KRTAP4-9: variants seen among roughly 807,000 people sequenced by gnomAD.
KRTAP4-9 encodes keratin associated protein 4-9.
KRTAP4-9 carries 4 observed loss-of-function variants against 4.3 expected under a neutral mutation model. That is an observed-to-expected ratio of 0.94 (90% confidence interval 0.46 to 2.15). KRTAP4-9 has a LOEUF of 2.15. Among genes scored for constraint, KRTAP4-9 ranks in the 30% most tolerant of loss-of-function variants. The pLI, the probability that KRTAP4-9 is intolerant of heterozygous loss-of-function variation, is 0.02. For synonymous variants in KRTAP4-9, 111 were observed against 99.2 expected, an observed-to-expected ratio of 1.12 and a Z score of -0.70; for missense variants, 297 against 278.5, an observed-to-expected ratio of 1.07 and a Z score of -0.47.
At chr17:41,106,267 T>A in exon 1 of KRTAP4-9, 1 of 676,914 alleles carries the variant, frequency 1.5e-6, no homozygotes, top group Non-Finnish European at 2.4e-6. Flanking sequence ...TGTAATCCAC[T>A]AGCTAGAAAT....
At chr17:41,106,122 T>G (rs150821935) in exon 1 of KRTAP4-9, 1 of 1,460,096 alleles carries the variant, frequency 6.8e-7, no homozygotes, top group Non-Finnish European at 9.1e-7. Context: ...GTTGATGTCA[T>G]TCAATAGAAT....
At position 41,105,778 on chromosome 17, in the gene KRTAP4-9, T is replaced by C. The variant is rs763295260; in HGVS notation, c.390T>C (p.Cys130=). The change falls in exon 1 of 1, where the codon TGT becomes TGC. Residue 130 remains cysteine, a synonymous_variant. Transcript: ENST00000391415. ...CCAGCTGCTGTCGCCCCAGCTGCTGTGTGTCCAGCTGCTGCAAGCCCCAGT... is the reference window on the plus strand; with the variant it reads ...CCAGCTGCTGTCGCCCCAGCTGCTGCGTGTCCAGCTGCTGCAAGCCCCAGT... 3.9e-5 allele frequency: 62 copies of C among 1,604,350 alleles called. 3 individuals are homozygous for C. In the South Asian group the frequency reaches 6.5e-4, roughly 17 times the overall value.
chr17:41,105,579 G>C (rs748673672), exon 1 of KRTAP4-9: 1 of 1,568,176 alleles, frequency 6.4e-7, no homozygotes, highest in Non-Finnish European at 8.5e-7. Flanking sequence ...CAACCCACTT[G>C]TTCCCGCCCC....
chr17:41,105,573 C>G, exon 1 of KRTAP4-9: 2 of 1,568,386 alleles, frequency 1.3e-6, no homozygotes, highest in South Asian at 1.1e-5. Context: ...TGCTGCCAAC[C>G]CACTTGTTCC....
At chr17:41,106,031 C>A (rs761496139) in exon 1 of KRTAP4-9, 2 of 1,568,332 alleles carry the variant, frequency 1.3e-6, no homozygotes, top group South Asian at 1.2e-5. Flanking sequence ...AGCCCACTGC[C>A]CTGGCTTATC....
exon 1 of KRTAP4-9, chr17:41,105,609 G>A (rs936587614): frequency 1.3e-6 from 2 of 1,569,326 alleles, no homozygotes; most frequent in African/African-American, 3.0e-5. Context: ...CAGACCACCT[G>A]TTGCAGGACC....
exon 1 of KRTAP4-9, chr17:41,106,345 C>T (rs6503596): frequency 0.048 from 21,966 of 454,318 alleles, 1,425 homozygotes; most frequent in East Asian, 0.17. Context: ...CTCAGTGAGG[C>T]AGACATTATC....
chr17:41,106,176 T>C (rs1305155094), exon 1 of KRTAP4-9: 1 of 1,294,176 alleles, frequency 7.7e-7, no homozygotes, highest in African/African-American at 1.5e-5. Flanking sequence ...TCACTGACTC[T>C]TTGAGAACAT....
chr17:41,105,959 C>T lies in KRTAP4-9; in HGVS notation c.571C>T (p.Arg191Cys), dbSNP rs763773557. 38 of 1,603,604 alleles carry T rather than the reference C, an allele frequency of 2.4e-5. 1 individual carries two copies. The highest frequency in any genetic ancestry group is 4.5e-5 in the East Asian group (2 of 44,540). ...AGTCTCCTGCCACACCACTTGCTAT[C>T]GCCCAACCTGTGTCATCTCCAGCTG... The change falls in exon 1 of 1, where the codon CGC becomes TGC. Residue 191 changes from arginine (R) to cysteine (C), a missense_variant. Arg to Cys is a radical substitution (Grantham distance 180). Coordinates refer to ENST00000391415, the Ensembl canonical transcript of KRTAP4-9.
At chr17:41,106,092 A>G (rs1221558959) in exon 1 of KRTAP4-9, 3 of 1,491,600 alleles carry the variant, frequency 2.0e-6, no homozygotes, top group Non-Finnish European at 2.7e-6. Context: ...TGTGCTGACC[A>G]TTAGGATACA....
At chr17:41,105,834 G>A (rs549826824) in exon 1 of KRTAP4-9, 1 of 1,609,748 alleles carries the variant, frequency 6.2e-7, no homozygotes, top group South Asian at 1.1e-5. Flanking sequence ...CAGCCCAACT[G>A]CTGCCGCCCC....
At chr17:41,106,036 C>T in exon 1 of KRTAP4-9, 1 of 1,564,290 alleles carries the variant, frequency 6.4e-7, no homozygotes, top group Non-Finnish European at 8.7e-7. Flanking sequence ...ACTGCCCTGG[C>T]TTATCTCCCC....
chr17:41,106,414 CTG>C, exon 1 of KRTAP4-9: 1 of 266,878 alleles, frequency 3.7e-6, no homozygotes, highest in Non-Finnish European at 7.5e-6. Context: ...CAGTTATATT[CTG>C]TGTTTCTCCT....
At position 41,105,822 on chromosome 17, in the gene KRTAP4-9, G is replaced by T. The variant is rs747983365; in HGVS notation, c.434G>T (p.Cys145Phe). ...CCCCAGTGCTGCCAGTCTGTGTGCT[G>T]CCAGCCCAACTGCTGCCGCCCCAGC... Residue 145 changes from cysteine to phenylalanine, a missense_variant, in exon 1 of 1, where the codon TGC becomes TTC. Coordinates refer to ENST00000391415, the Ensembl canonical transcript of KRTAP4-9. 37 of 1,611,906 alleles carry T rather than the reference G, an allele frequency of 2.3e-5. No homozygotes were observed. In the African/African-American group the frequency reaches 4.4e-4, roughly 19 times the overall value.
In KRTAP4-9 at chr17:41,105,805, C is replaced by A; in HGVS notation, c.417C>A (p.Cys139Ter). The change falls in exon 1 of 1, where the codon TGC becomes TGA. Residue 139 changes from cysteine to a stop codon, truncating the protein, a stop_gained. Coordinates refer to ENST00000391415, the Ensembl canonical transcript of KRTAP4-9. LOFTEE classifies it high-confidence loss of function. Reference sequence around the variant, plus strand: ...TGTCCAGCTGCTGCAAGCCCCAGTGCTGCCAGTCTGTGTGCTGCCAGCCCA... The same window carrying A: ...TGTCCAGCTGCTGCAAGCCCCAGTGATGCCAGTCTGTGTGCTGCCAGCCCA... 6.2e-7 allele frequency: 1 copy of A among 1,612,304 alleles called. No homozygotes were observed. Among genetic ancestry groups the A allele is most frequent in the African/African-American group, 1.3e-5 (1 of 74,664 alleles).
chr17:41,106,071 G>A lies in KRTAP4-9; in HGVS notation c.*50G>A, dbSNP rs763532499. 39 of 1,529,528 alleles carry A rather than the reference G, an allele frequency of 2.5e-5. 1 individual carries two copies. The Admixed American group carries it at 7.4e-4, about 29-fold the overall frequency. 94.7% of individuals were successfully genotyped at this position (1,529,528 alleles called of 1,614,324 possible). The stretch of plus-strand genomic sequence containing the variant: ...CCTTCACCACTGGCCCACAGATGTA[G>A]ACCCTTCTACTGTGCTGACCATTAG... On this transcript the variant is annotated 3_prime_UTR_variant, in exon 1 of 1. Transcript: ENST00000391415.
chr17:41,105,501 C>A lies in KRTAP4-9; in HGVS notation c.113C>A (p.Thr38Asn), dbSNP rs770025505. The change falls in exon 1 of 1, where the codon ACC (threonine) becomes AAC (asparagine). Residue 38 changes from threonine (T) to asparagine (N), a missense_variant. By Grantham distance (65) the Thr-to-Asn change is moderately conservative (BLOSUM62 0). Transcript: ENST00000391415. The stretch of plus-strand genomic sequence containing the variant: ...TGTGAGACCACCTGCTGCAGGACCA[C>A]CTGCTGCCGCCCCAGCTGTTGTGTA... 43 of 1,566,510 alleles carry A rather than the reference C, an allele frequency of 2.7e-5. No homozygotes were observed. The highest frequency in any genetic ancestry group is 3.7e-5 in the Non-Finnish European group (43 of 1,165,286).
chr17:41,105,412 C>T (rs767029721), exon 1 of KRTAP4-9: 30 of 1,608,158 alleles, frequency 1.9e-5, no homozygotes, highest in Middle Eastern at 3.3e-4. Flanking sequence ...GTTGTGGCTC[C>T]GTGTGCTCTG....
chr17:41,105,773 T>A, exon 1 of KRTAP4-9: 1 of 1,603,012 alleles, frequency 6.2e-7, no homozygotes, highest in Non-Finnish European at 8.5e-7. Context: ...TCGCCCCAGC[T>A]GCTGTGTGTC....
Sources: allele counts gnomAD v4.1 joint callset, GRCh38; gene constraint gnomAD v4.1.1; transcripts MANE v1.5; gene names NCBI Gene and HGNC (gene_info 2026-07-23, HGNC 2026-07-21).